The following AATF variants were observed in gnomAD, a reference collection of about 807,000 sequenced individuals.
AATF encodes protein AATF.
AATF carries 48 observed loss-of-function variants against 63.7 expected under a neutral mutation model. The ratio of observed to expected loss-of-function variants is 0.75; its 90% CI spans 0.60 to 0.96. AATF has a LOEUF of 0.96. Ranked by LOEUF, AATF falls within the 40% of genes least tolerant of loss-of-function variation. AATF has a pLI of 0.00. For synonymous variants in AATF, 258 were observed against 247.7 expected (o/e 1.04, Z -0.39); for missense variants, 639 against 685.7 (o/e 0.93, Z 0.76).
At position 36,953,027 on chromosome 17, in the gene AATF, A is replaced by G; in HGVS notation, c.425A>G (p.His142Arg). The G allele has an allele frequency of 6.2e-7, 1 of 1,614,116 alleles. No individual in the cohort carries two copies. Among genetic ancestry groups the G allele is most frequent in the Non-Finnish European group, 8.5e-7 (1 of 1,180,034 alleles). Residue 142 changes from histidine to arginine, a missense_variant, in exon 3 of 12, where the codon CAC (histidine) becomes CGC (arginine). His to Arg is a conservative substitution (Grantham distance 29, BLOSUM62 0). Transcript: ENST00000619387. ...AGGGAGAGCAAGAAGAGCAGAAGCC[A>G]CTCTGCAAAAACACCGGGCTTCAGT... ...DHRESKKSRS[H>R]SAKTPGFSVQ...
At chr17:36,990,980 C>T in intron 8 of AATF, 123 bp downstream of exon 8, 1 of 587,510 alleles carries the variant, frequency 1.7e-6, no homozygotes, top group Non-Finnish European at 2.8e-6. Context: ...AGTTAGAACT[C>T]CCGCGTTCAA....
intron 4 of AATF, among the ~76,000 whole-genome samples, chr17:36,968,582 A>G (rs1186690931): frequency 1.3e-5 from 2 of 151,518 alleles, no homozygotes; most frequent in Admixed American, 6.6e-5. Context: ...GGCCTCTTCT[A>G]TCATATTTTT....
chr17:37,041,562 A>G lies in AATF; in HGVS notation c.1619+9877A>G, dbSNP rs112204411. ...GCCCTGTCGCCCAGGCTGAAGTGCA[A>G]TGGTGCAATCTCGGCTCACTGCAAT... On this transcript the variant is annotated intron_variant, in intron 11 of 11. Coordinates refer to ENST00000619387, the MANE Select transcript of AATF (RefSeq NM_012138.4). Among the ~76,000 whole-genome samples the G allele has an allele frequency of 1.5e-3, 227 of 152,026 alleles. 1 individual carries two copies. Among genetic ancestry groups the G allele is most frequent in the African/African-American group, 5.3e-3 (221 of 41,452 alleles).
intron 11 of AATF, among the ~76,000 whole-genome samples, chr17:37,048,880 G>A (rs1332430674): frequency 6.6e-6 from 1 of 152,136 alleles, no homozygotes; most frequent in African/African-American, 2.4e-5. Flanking sequence ...ATGAATTTGG[G>A]TCGGGGAAAG....
chr17:36,949,023 A>C lies in AATF; in HGVS notation c.-103A>C. On this transcript the variant is annotated 5_prime_UTR_variant, in exon 1 of 12. Coordinates refer to ENST00000619387, the MANE Select transcript of AATF (RefSeq NM_012138.4). Reference sequence around the variant, plus strand: ...GCGCGGTCTCTGGCGGAGTCGGGGAATCGGATCAAGGCGAGAGGATCCGGC... The same window carrying C: ...GCGCGGTCTCTGGCGGAGTCGGGGACTCGGATCAAGGCGAGAGGATCCGGC... 6.4e-6 allele frequency: 7 copies of C among 1,100,674 alleles called. No individual in the cohort carries two copies. Among genetic ancestry groups the C allele is most frequent in the Non-Finnish European group, 7.8e-6 (6 of 766,426 alleles). 68.2% of individuals were successfully genotyped at this position (1,100,674 alleles called of 1,614,324 possible). A position where few individuals can be genotyped will look rare whatever the true frequency, so the allele number is the denominator to read the frequency against.
chr17:36,967,241 A>C (rs566372044), intron 4 of AATF, among the ~76,000 whole-genome samples: 45 of 152,164 alleles, frequency 3.0e-4, no homozygotes, highest in African/African-American at 1.0e-3. Flanking sequence ...CTTTGTGGTT[A>C]TATTGTAGTT....
In AATF at chr17:36,948,966, A is replaced by C; in HGVS notation, c.-160A>C. The C allele has an allele frequency of 1.7e-6, 1 of 601,626 alleles. No individual in the cohort carries two copies. The highest frequency in any genetic ancestry group is 2.8e-6 in the Non-Finnish European group (1 of 357,114). 37.3% of individuals were successfully genotyped at this position (601,626 alleles called of 1,614,324 possible). On this transcript the variant is annotated 5_prime_UTR_variant, in exon 1 of 12. Coordinates refer to ENST00000619387, the MANE Select transcript of AATF (RefSeq NM_012138.4). Reference sequence around the variant, plus strand: ...CGCCCCCTCCCGCGCGCCTCCCGGAAGTGGCCGGTCCAGAGCTGTGGGGTG... The same window carrying C: ...CGCCCCCTCCCGCGCGCCTCCCGGACGTGGCCGGTCCAGAGCTGTGGGGTG...
intron 11 of AATF, among the ~76,000 whole-genome samples, chr17:37,039,308 A>C (rs1032563846): frequency 6.6e-6 from 1 of 152,192 alleles, no homozygotes; most frequent in Non-Finnish European, 1.5e-5. Flanking sequence ...CTAAAAAGAC[A>C]CAGGTTATTC....
At chr17:36,993,099 A>G (rs2071227944) in intron 8 of AATF, among the ~76,000 whole-genome samples, 1 of 152,176 alleles carries the variant, frequency 6.6e-6, no homozygotes, top group African/African-American at 2.4e-5. Context: ...AACCCTGCAG[A>G]TTCTAAATAT....
chr17:36,949,853 A>G (rs1206712578), intron 1 of AATF, among the ~76,000 whole-genome samples: 1 of 152,226 alleles, frequency 6.6e-6, no homozygotes, highest in Non-Finnish European at 1.5e-5. Flanking sequence ...GAAACTCGGG[A>G]CTGTTTAGCC....
At chr17:36,971,250 A>T (rs1189009350) in intron 4 of AATF, among the ~76,000 whole-genome samples, 1 of 152,252 alleles carries the variant, frequency 6.6e-6, no homozygotes, top group African/African-American at 2.4e-5. Flanking sequence ...ATTCAAAAAA[A>T]AATGGGCAAA....
At chr17:37,022,831 G>A (rs1281317809) in intron 10 of AATF, among the ~76,000 whole-genome samples, 2 of 152,074 alleles carry the variant, frequency 1.3e-5, no homozygotes. Flanking sequence ...CATTATTACT[G>A]TCATTATTAT....
chr17:37,036,221 T>C (rs1270321388), intron 11 of AATF, among the ~76,000 whole-genome samples: 6 of 152,242 alleles, frequency 3.9e-5, no homozygotes, highest in Non-Finnish European at 7.3e-5. Context: ...TTTCCTTAGT[T>C]GCTCATTGGT....
intron 4 of AATF, among the ~76,000 whole-genome samples, chr17:36,962,930 C>G (rs147825885): frequency 6.6e-6 from 1 of 152,066 alleles, no homozygotes; most frequent in African/African-American, 2.4e-5. Context: ...GAGACCAGTT[C>G]AACATGGTGA....
intron 11 of AATF, among the ~76,000 whole-genome samples, chr17:37,035,086 T>C (rs1028439406): frequency 2.0e-5 from 3 of 149,462 alleles, no homozygotes; most frequent in East Asian, 4.0e-4. Context: ...ATCGTGCCAC[T>C]GCACTCCAGC....
rs3049638 is a variant in AATF, at chr17:36,968,270, C to CTTTTT, written c.832+14389_832+14393dup. On this transcript the variant is annotated intron_variant, in intron 4 of 11. Coordinates refer to ENST00000619387, the MANE Select transcript of AATF (RefSeq NM_012138.4). ...TTTCTTTTTCTTTCTTTCCTTCTTTCTTTTTTTTTTTTTTTTTTTTTTTTT... is the reference window on the plus strand; with the variant it reads ...TTTCTTTTTCTTTCTTTCCTTCTTTCTTTTTTTTTTTTTTTTTTTTTTTTTTTTTT... Among the ~76,000 whole-genome samples the CTTTTT allele has an allele frequency of 5.7e-3, 136 of 23,770 alleles. 5 individuals are homozygous for CTTTTT. The highest frequency in any genetic ancestry group is 0.011 in the East Asian group (9 of 832). 15.6% of individuals were successfully genotyped at this position (23,770 alleles called of 152,430 possible). A position where few individuals can be genotyped will look rare whatever the true frequency, so the allele number is the denominator to read the frequency against.
chr17:37,020,793 G>T, intron 9 of AATF, 141 bp from the exon 10 acceptor site: 1 of 600,566 alleles, frequency 1.7e-6, no homozygotes, highest in Non-Finnish European at 2.8e-6. Context: ...TGATTAGTCA[G>T]TTTGGCCCCA....
At position 37,020,975 on chromosome 17, in the gene AATF, A is replaced by G. The variant is rs545046979; in HGVS notation, c.1508A>G (p.Lys503Arg). ...CAGAAGTTACGAAGCAAAATCCACA[A>G]AAAAGTAGATAGGAAAGCCAGCAAA... ...AIQKLRSKIH[K>R]KVDRKASKGR... is the part of the protein sequence containing the mutation. Residue 503 changes from lysine (K) to arginine (R), a missense_variant, in exon 10 of 12, where the codon AAA becomes AGA. Physicochemically the swap from Lys to Arg is conservative, Grantham distance 26. Coordinates refer to ENST00000619387, the MANE Select transcript of AATF (RefSeq NM_012138.4). The G allele has an allele frequency of 6.2e-7, 1 of 1,611,916 alleles. No individual in the cohort carries two copies. The highest frequency in any genetic ancestry group is 8.5e-7 in the Non-Finnish European group (1 of 1,179,036).
intron 4 of AATF, among the ~76,000 whole-genome samples, chr17:36,968,287 T>TGAGATAGGCTCTCAC (rs2071011205): frequency 8.8e-6 from 1 of 114,148 alleles, no homozygotes; most frequent in African/African-American, 3.5e-5. Flanking sequence ...TTTTTTTTTT[T>TGAGATAGGCTCTCAC]TTTTTTTTTT....
Sources: allele counts gnomAD v4.1 joint callset (sites outside exome capture counted in the v4.1 genomes callset), GRCh38; gene constraint gnomAD v4.1.1; transcripts MANE v1.5; gene names NCBI Gene and HGNC (gene_info 2026-07-23, HGNC 2026-07-21).